PPP1R42: variants seen among roughly 807,000 people sequenced by gnomAD.
PPP1R42 encodes the protein protein phosphatase 1 regulatory subunit 42.
A neutral mutation model predicts 31.0 loss-of-function variants in PPP1R42; 34 were observed. The observed-to-expected ratio is 1.10, with a 90% CI of 0.83 to 1.46. The LOEUF (loss-of-function observed/expected upper bound fraction) is 1.46. Ranked by LOEUF, PPP1R42 falls within the 40% of genes most tolerant of loss-of-function variation. PPP1R42 has a pLI of 0.00. For synonymous variants in PPP1R42, 103 were observed against 109.8 expected, an observed-to-expected ratio of 0.94 and a Z score of 0.39; for missense variants, 268 against 303.0, an observed-to-expected ratio of 0.88 and a Z score of 0.86.
intron 6 of PPP1R42, among the ~76,000 whole-genome samples, chr8:66,986,949 A>AG (rs1815037063): frequency 6.6e-6 from 1 of 152,096 alleles, no homozygotes; most frequent in African/African-American, 2.4e-5. Flanking sequence ...GGACCACTTG[A>AG]GGTCAGGAGT....
chr8:67,025,170 C>T (rs1026855519), intron 1 of PPP1R42, among the ~76,000 whole-genome samples: 1 of 151,370 alleles, frequency 6.6e-6, no homozygotes, highest in Non-Finnish European at 1.5e-5. Flanking sequence ...GTCTCAAACC[C>T]GTGGCCTCAA....
At position 67,026,054 on chromosome 8, in the gene PPP1R42, G is replaced by C. The variant is rs537558816; in HGVS notation, c.-85+2437C>G. ...AGAGCATAGTAAATTGTGAAAATGT[G>C]GCCGGGCGCGGTGGCTCATGATTGT... On this transcript the variant is annotated intron_variant, in intron 1 of 7. Coordinates refer to ENST00000685739, the MANE Select transcript of PPP1R42 (RefSeq NM_001364910.1). Among the ~76,000 whole-genome samples the C allele has an allele frequency of 3.3e-4, 50 of 151,444 alleles. No homozygotes were observed. In the East Asian group the frequency reaches 9.5e-3, roughly 29 times the overall value.
intron 5 of PPP1R42, among the ~76,000 whole-genome samples, chr8:67,009,917 A>C (rs1194776972): frequency 6.6e-6 from 1 of 152,220 alleles, no homozygotes; most frequent in Non-Finnish European, 1.5e-5. Context: ...GGGAGAAAGA[A>C]GCTCATTCTC....
chr8:67,000,371 T>C (rs1325166126), intron 5 of PPP1R42, among the ~76,000 whole-genome samples: 1 of 152,212 alleles, frequency 6.6e-6, no homozygotes, highest in East Asian at 1.9e-4. Flanking sequence ...AATTTTCAAA[T>C]GTTTTGTTTT....
intron 7 of PPP1R42, chr8:66,971,225 TA>T: frequency 1.0e-6 from 1 of 990,226 alleles, no homozygotes; most frequent in Non-Finnish European, 1.4e-6. Flanking sequence ...TTAGATTATC[TA>T]AAAATTAAAT....
intron 3 of PPP1R42, among the ~76,000 whole-genome samples, chr8:67,013,320 AAAGT>A (rs1815900797): frequency 6.6e-6 from 1 of 152,028 alleles, no homozygotes; most frequent in Admixed American, 6.6e-5. Flanking sequence ...GCTTTTTAAA[AAAGT>A]GAGCGAATTG....
At chr8:67,016,825 C>T (rs1465976540) in intron 2 of PPP1R42, among the ~76,000 whole-genome samples, 2 of 152,090 alleles carry the variant, frequency 1.3e-5, no homozygotes, top group Non-Finnish European at 2.9e-5. Context: ...GTATGCTGTA[C>T]CCAATATGTA....
intron 5 of PPP1R42, among the ~76,000 whole-genome samples, chr8:66,997,615 T>C (rs1815370282): frequency 6.7e-6 from 1 of 149,742 alleles, no homozygotes; most frequent in Admixed American, 6.7e-5. Context: ...GGCACAATCA[T>C]GGCCCAATGT....
intron 5 of PPP1R42, among the ~76,000 whole-genome samples, chr8:66,997,553 T>C (rs1216838402): frequency 6.6e-6 from 1 of 151,236 alleles, no homozygotes; most frequent in African/African-American, 2.4e-5. Context: ...TTTTTTTTTT[T>C]TTTTTTCCCA....
chr8:67,022,501 T>C (rs935039421), intron 1 of PPP1R42, among the ~76,000 whole-genome samples: 4 of 152,172 alleles, frequency 2.6e-5, no homozygotes, highest in African/African-American at 9.6e-5. Flanking sequence ...AATGGTATCT[T>C]CTAAAAAACA....
intron 1 of PPP1R42, among the ~76,000 whole-genome samples, chr8:67,024,677 C>T (rs1816338010): frequency 6.6e-6 from 1 of 151,756 alleles, no homozygotes; most frequent in East Asian, 2.0e-4. Flanking sequence ...CGGGGTTTCA[C>T]CGTGTTAGCC....
chr8:67,028,316 G>A (rs934626301), intron 1 of PPP1R42, among the ~76,000 whole-genome samples, 175 bp downstream of exon 1: 2 of 152,134 alleles, frequency 1.3e-5, no homozygotes, highest in African/African-American at 4.8e-5. Context: ...CTAACCATTT[G>A]TTAAAAACAC....
intron 3 of PPP1R42, 75 bp downstream of exon 3, chr8:67,014,351 A>G (rs769531293): frequency 4.0e-5 from 33 of 819,830 alleles, no homozygotes; most frequent in Non-Finnish European, 5.9e-5. Context: ...AAAAATGGAA[A>G]TGCCTTCATG....
chr8:67,014,299 C>T, intron 3 of PPP1R42, 127 bp downstream of exon 3: 1 of 508,774 alleles, frequency 2.0e-6, no homozygotes, highest in Non-Finnish European at 3.3e-6. Flanking sequence ...AGTATGAAAT[C>T]ATATCAATTT....
intron 1 of PPP1R42, among the ~76,000 whole-genome samples, chr8:67,025,920 G>A (rs945622210): frequency 2.0e-5 from 3 of 150,992 alleles, no homozygotes; most frequent in Admixed American, 2.0e-4. Flanking sequence ...CAGAGGAATC[G>A]CTTGAACCTG....
chr8:67,005,084 C>T (rs1464354483), intron 5 of PPP1R42, among the ~76,000 whole-genome samples: 6 of 137,432 alleles, frequency 4.4e-5, no homozygotes, highest in Non-Finnish European at 9.5e-5. Context: ...AGTGTTTAGT[C>T]TTTCATGAAA....
intron 5 of PPP1R42, among the ~76,000 whole-genome samples, chr8:66,992,119 C>T (rs913721221): frequency 6.6e-6 from 1 of 152,164 alleles, no homozygotes; most frequent in African/African-American, 2.4e-5. Context: ...TTTGGAATAT[C>T]GTACCCTGGT....
intron 6 of PPP1R42, among the ~76,000 whole-genome samples, chr8:66,982,582 G>A (rs144192784): frequency 5.9e-4 from 89 of 151,924 alleles, no homozygotes; most frequent in African/African-American, 1.9e-3. Context: ...TCAGCCTCCC[G>A]AATAGCTGGG....
At chr8:67,025,494 G>A (rs944813853) in intron 1 of PPP1R42, among the ~76,000 whole-genome samples, 2 of 150,996 alleles carry the variant, frequency 1.3e-5, no homozygotes, top group African/African-American at 4.9e-5. Flanking sequence ...CCTCATGAAT[G>A]GCCATGCTAT....
Sources: allele counts gnomAD v4.1 joint callset (sites outside exome capture counted in the v4.1 genomes callset), GRCh38; gene constraint gnomAD v4.1.1; transcripts MANE v1.5; gene names NCBI Gene and HGNC (gene_info 2026-07-23, HGNC 2026-07-21).